Variants in MROH2B observed in about 807,000 individuals in gnomAD.
MROH2B encodes the protein maestro heat-like repeat-containing protein family member 2B.
A neutral mutation model predicts 208.6 loss-of-function variants in MROH2B; 177 were observed. The ratio of observed to expected loss-of-function variants is 0.85; its 90% confidence interval spans 0.75 to 0.96. The LOEUF is 0.96. MROH2B is among the 40% of genes least tolerant of loss of function. MROH2B has a pLI of 0.00. For synonymous variants in MROH2B, 728 were observed against 659.0 expected (o/e 1.10, Z -1.60); for missense variants, 2,002 against 1,878.7 (o/e 1.07, Z -1.21).
At chr5:41,045,699 T>C in intron 18 of MROH2B, 47 bp downstream of exon 18, 2 of 1,431,910 alleles carry the variant, frequency 1.4e-6, no homozygotes, top group Non-Finnish European at 2.0e-6. Context: ...GCAGCCATTT[T>C]GGATCATAGG....
intron 24 of MROH2B, among the ~76,000 whole-genome samples, chr5:41,029,468 T>C (rs183544239): frequency 1.2e-3 from 186 of 152,252 alleles, no homozygotes; most frequent in African/African-American, 4.1e-3. Context: ...AGAAACTTCA[T>C]AGTTTGATGT....
intron 6 of MROH2B, among the ~76,000 whole-genome samples, chr5:41,060,467 T>A (rs907359939): frequency 1.1e-4 from 16 of 152,228 alleles, no homozygotes; most frequent in Non-Finnish European, 1.9e-4. Flanking sequence ...TTCTGCCTTA[T>A]ATCTTTTTTT....
chr5:41,020,438 T>A (rs1742108115), intron 24 of MROH2B, among the ~76,000 whole-genome samples: 1 of 152,192 alleles, frequency 6.6e-6, no homozygotes, highest in South Asian at 2.1e-4. Flanking sequence ...GTGCTTTCTC[T>A]TATCCTGCCT....
At position 41,064,460 on chromosome 5, in the gene MROH2B, C is replaced by G. The variant is rs111510166; in HGVS notation, c.460+12G>C. On this transcript the variant is annotated intron_variant, in intron 5 of 41. Transcript: ENST00000399564. ...GGTTTTTAAGCAAAAAGGAAATCAT[C>G]GGGATACCCACCAATACAGAAAGTC... The G allele has an allele frequency of 8.1e-6, 13 of 1,608,858 alleles. No individual in the cohort carries two copies. The African/African-American group carries it at 9.4e-5, about 12-fold the overall frequency.
Position 41,004,468 on chromosome 5 carries a change from G to A in MROH2B, c.4072C>T (p.Arg1358Cys), listed in dbSNP as rs202013374. ...SIIRGLYHLA[R>C]TEVVCESLKA... ...AAGCTTTCACAGACGACTTCAGTGC[G>A]AGCTAGGTGATACAGGCCTCTGATG... The change falls in exon 37 of 42, where the codon CGC (arginine) becomes TGC (cysteine). Residue 1358 changes from arginine (R) to cysteine (C), a missense_variant. By Grantham distance (180) the Arg-to-Cys change is radical (BLOSUM62 -3). Coordinates refer to ENST00000399564, the MANE Select transcript of MROH2B (RefSeq NM_173489.5). 22 of 1,613,872 alleles carry A rather than the reference G, an allele frequency of 1.4e-5. No individual in the cohort carries two copies. Among genetic ancestry groups the A allele is most frequent in the African/African-American group, 6.7e-5 (5 of 74,932 alleles).
rs757461355 is a variant in MROH2B, at chr5:41,009,314, A to G, written c.3386T>C (p.Leu1129Ser). The G allele has an allele frequency of 3.7e-6, 6 of 1,613,950 alleles. No homozygotes were observed. The Admixed American group carries it at 8.3e-5, about 22-fold the overall frequency. ...CTCAACCCTGGCGATGTCATCTTCT[A>G]ACTCAGTCTCCAGTTTGTCTATTAA... is the stretch of plus-strand genomic sequence containing the variant. ...QALIDKLETE[L>S]EDDIARVEAI... The change falls in exon 32 of 42, where the codon TTA becomes TCA. Residue 1129 changes from leucine to serine, a missense_variant. By Grantham distance (145) the Leu-to-Ser change is moderately radical. Transcript: ENST00000399564.
chr5:41,063,403 T>C (rs192219898), intron 5 of MROH2B, among the ~76,000 whole-genome samples: 19 of 152,304 alleles, frequency 1.2e-4, no homozygotes, highest in African/African-American at 4.1e-4. Flanking sequence ...ACTTTCTAAG[T>C]CCAATGTTCT....
chr5:41,032,989 T>C (rs73750224), intron 23 of MROH2B, 52 bp downstream of exon 23: 5 of 1,607,880 alleles, frequency 3.1e-6, no homozygotes, highest in East Asian at 4.5e-5. Context: ...AGCCCTGAAC[T>C]CTTGGTAATG....
Position 41,007,308 on chromosome 5 carries a change from C to T in MROH2B, c.3749+6G>A, listed in dbSNP as rs1433679438. 1 of 1,369,630 alleles carries T rather than the reference C, an allele frequency of 7.3e-7. No individual in the cohort carries two copies. Among genetic ancestry groups the T allele is most frequent in the African/African-American group, 1.5e-5 (1 of 66,228 alleles). 84.8% of individuals were successfully genotyped at this position (1,369,630 alleles called of 1,614,324 possible). A position where few individuals can be genotyped will look rare whatever the true frequency, so the allele number is the denominator to read the frequency against. On this transcript the variant is annotated splice_donor_region_variant and intron_variant, in intron 34 of 41. Transcript: ENST00000399564. ...TGTATCTGGTTCTAGAAAAAGTGCACATTACCTGGCCAGTGAACATACGCC... is the reference window on the plus strand; with the variant it reads ...TGTATCTGGTTCTAGAAAAAGTGCATATTACCTGGCCAGTGAACATACGCC...
intron 28 of MROH2B, among the ~76,000 whole-genome samples, chr5:41,016,483 T>C (rs1246895519): frequency 6.6e-6 from 1 of 150,526 alleles, no homozygotes; most frequent in Non-Finnish European, 1.5e-5. Flanking sequence ...GGCATATTTC[T>C]GTTACTACTG....
intron 30 of MROH2B, among the ~76,000 whole-genome samples, chr5:41,011,358 T>C (rs760449144): frequency 1.3e-5 from 2 of 152,228 alleles, no homozygotes; most frequent in Non-Finnish European, 2.9e-5. Context: ...TAGGTCCCTA[T>C]TGTAAGCCTT....
chr5:41,016,802 C>G (rs1272438610), intron 28 of MROH2B, among the ~76,000 whole-genome samples: 1 of 152,032 alleles, frequency 6.6e-6, no homozygotes, highest in Non-Finnish European at 1.5e-5. Context: ...TTAGTTCTCA[C>G]TTCCTTAATT....
chr5:41,016,498 G>GT (rs10689623), intron 28 of MROH2B, among the ~76,000 whole-genome samples: 8,906 of 80,472 alleles, frequency 0.11, 2,105 homozygotes, highest in African/African-American at 0.21. Flanking sequence ...CTACTGTAAT[G>GT]TTTTTTTTTT....
intron 18 of MROH2B, among the ~76,000 whole-genome samples, chr5:41,043,641 G>A (rs1009191207): frequency 1.3e-5 from 2 of 152,178 alleles, no homozygotes; most frequent in African/African-American, 2.4e-5. Context: ...CTAGCATTGG[G>A]AGAAAATGTG....
chr5:41,045,632 T>C (rs1743091255), intron 18 of MROH2B, 114 bp downstream of exon 18: 3 of 773,192 alleles, frequency 3.9e-6, no homozygotes, highest in Non-Finnish European at 6.5e-6. Context: ...GGAACTCTTT[T>C]TTTTTTTAAA....
Position 41,003,699 on chromosome 5 carries a change from C to T in MROH2B, c.4194+647G>A, listed in dbSNP as rs140930473. Among the ~76,000 whole-genome samples the T allele has an allele frequency of 1.9e-4, 29 of 152,276 alleles. 2 individuals carry two copies. The East Asian group carries it at 3.1e-3, about 16-fold the overall frequency. ...AAAGCCTTAATGTTTATGAAGAATG[C>T]ACTAGAGAAGGCAACTAGCAGTTTT... On this transcript the variant is annotated intron_variant, in intron 37 of 41. Coordinates refer to ENST00000399564, the MANE Select transcript of MROH2B (RefSeq NM_173489.5).
chr5:41,047,737 TC>T lies in MROH2B; in HGVS notation c.1711del (p.Glu571LysfsTer24). The part of the protein sequence containing the change: ...EGKNISTVLW[E>X]TMLLQLLKES... ...CAGCCTTACCTGAAGCAGCATGGTT[TC>T]CCATAGAACGGTACTGATGTTCTTT... is the stretch of plus-strand genomic sequence containing the variant. On this transcript the variant is annotated frameshift_variant, in exon 17 of 42. Transcript: ENST00000399564. LOFTEE classifies it high-confidence loss of function. 6.3e-7 allele frequency: 1 copy of T among 1,595,882 alleles called. No homozygotes were observed. The highest frequency in any genetic ancestry group is 1.1e-5 in the South Asian group (1 of 87,706).
chr5:41,034,175 A>C, intron 21 of MROH2B: 1 of 601,572 alleles, frequency 1.7e-6, no homozygotes, highest in Non-Finnish European at 2.1e-6. Context: ...GACTTTGGTA[A>C]GGAAAAAGGG....
chr5:40,999,939 A>T, intron 39 of MROH2B, 160 bp from the exon 40 acceptor site: 1 of 705,494 alleles, frequency 1.4e-6, no homozygotes, highest in Non-Finnish European at 2.3e-6. Context: ...TTTGATCTAC[A>T]TTTAATCAGG....
Sources: allele counts gnomAD v4.1 joint callset (sites outside exome capture counted in the v4.1 genomes callset), GRCh38; gene constraint gnomAD v4.1.1; transcripts MANE v1.5; gene names NCBI Gene and HGNC (gene_info 2026-07-23, HGNC 2026-07-21).